Variants in AGAP1 observed in about 807,000 individuals in gnomAD.
The protein encoded by AGAP1 is arf-GAP with GTPase, ANK repeat and PH domain-containing protein 1.
Under a neutral mutation model 105.3 loss-of-function variants are expected in AGAP1, and 29 were observed. The observed-to-expected ratio is 0.28, with a 90% CI of 0.21 to 0.38. The LOEUF (loss-of-function observed/expected upper bound fraction) is 0.38, where lower values mean the gene tolerates loss of function less well. AGAP1 is among the 10% of genes least tolerant of loss of function. AGAP1 has a pLI of 1.00. For synonymous variants in AGAP1, 509 were observed against 485.9 expected (o/e 1.05, Z -0.63); for missense variants, 998 against 1,165.1 (o/e 0.86, Z 2.09).
rs902756452 is a variant in AGAP1, at chr2:235,701,094, C to G, written c.164-8085C>G. On this transcript the variant is annotated intron_variant, in intron 1 of 17. Transcript: ENST00000304032. This position sits in a 1 kb window ranked among gnomAD's most constrained non-coding sequence, Gnocchi z 4.1. ...TATAGTTATATGTATATATTATATACTCTATAATATAGTTATATGTACATA... is the reference window on the plus strand; with the variant it reads ...TATAGTTATATGTATATATTATATAGTCTATAATATAGTTATATGTACATA... Among the ~76,000 whole-genome samples the G allele has an allele frequency of 1.7e-5, 2 of 114,442 alleles. No homozygotes were observed. The highest frequency in any genetic ancestry group is 3.7e-5 in the Non-Finnish European group (2 of 54,278). The allele number at this position is 114,442 out of a possible 152,430, so 75.1% of individuals were successfully genotyped here. A position where few individuals can be genotyped will look rare whatever the true frequency, so the allele number is the denominator to read the frequency against.
rs1049038154 is a variant in AGAP1 at position 235,705,053 on chromosome 2, G to A, written c.164-4126G>A. Among the ~76,000 whole-genome samples the A allele has an allele frequency of 6.2e-5, 8 of 129,890 alleles. No homozygotes were observed. The highest frequency in any genetic ancestry group is 2.3e-4 in the African/African-American group (8 of 34,266). The allele number at this position is 129,890 out of a possible 152,430, so 85.2% of individuals were successfully genotyped here. On this transcript the variant is annotated intron_variant, in intron 1 of 17. Transcript: ENST00000304032. The surrounding 1 kb of genome is among the most constrained non-coding windows in gnomAD (Gnocchi z 4.9). The stretch of plus-strand genomic sequence containing the variant: ...GAGTGCAATGGTGGGATCTCGGCTC[G>A]CTGCAACCTCTACCTCCCGGGTTCA...
intron 12 of AGAP1, among the ~76,000 whole-genome samples, chr2:235,932,534 G>A (rs1033004156): frequency 9.2e-5 from 14 of 152,232 alleles, no homozygotes; most frequent in Admixed American, 2.6e-4. Flanking sequence ...GTTTGAGGGC[G>A]TGGGGAGATG....
At chr2:235,939,105 G>A (rs2053130385) in intron 12 of AGAP1, among the ~76,000 whole-genome samples, 1 of 152,224 alleles carries the variant, frequency 6.6e-6, no homozygotes, top group Admixed American at 6.5e-5. Context: ...GAATTGAACT[G>A]GGAGCAATGG....
intron 13 of AGAP1, among the ~76,000 whole-genome samples, chr2:236,007,007 A>C (rs929003554): frequency 1.3e-5 from 2 of 152,220 alleles, no homozygotes; most frequent in African/African-American, 4.8e-5. Flanking sequence ...CATTGACAGT[A>C]ACCAAAGAGC....
At position 236,101,509 on chromosome 2, in the gene AGAP1, C is replaced by T. The variant is rs973352914; in HGVS notation, c.2115-18683C>T. On this transcript the variant is annotated intron_variant, in intron 16 of 17. Transcript: ENST00000304032. This position sits in a 1 kb window ranked among gnomAD's most constrained non-coding sequence, Gnocchi z 4.9. ...TGAACTGGGCCCTCTGCAGTCACTCCGGCCTGTCCCCGCCTCTTCCGTGTG... is the reference window on the plus strand; with the variant it reads ...TGAACTGGGCCCTCTGCAGTCACTCTGGCCTGTCCCCGCCTCTTCCGTGTG... 5.9e-5 allele frequency among the ~76,000 whole-genome samples: 9 copies of T among 152,314 alleles called. No homozygotes were observed. In the South Asian group the frequency reaches 1.0e-3, roughly 18 times the overall value.
rs2054721937 is a variant in AGAP1 at position 235,973,129 on chromosome 2, T to C, written c.1645+4506T>C. Among the ~76,000 whole-genome samples the C allele has an allele frequency of 6.6e-6, 1 of 152,236 alleles. No homozygotes were observed. The highest frequency in any genetic ancestry group is 2.1e-4 in the South Asian group (1 of 4,832). On this transcript the variant is annotated intron_variant, in intron 13 of 17. Transcript: ENST00000304032. The surrounding 1 kb of genome is among the most constrained non-coding windows in gnomAD (Gnocchi z 4.7). The stretch of plus-strand genomic sequence containing the variant: ...CAGAAACACTGTGTCTACACGGGGC[T>C]GTCAGGGTGACCGATGGAAATTGGG...
At chr2:235,756,223 G>A (rs1458030086) in intron 6 of AGAP1, among the ~76,000 whole-genome samples, 8 of 152,178 alleles carry the variant, frequency 5.3e-5, no homozygotes, top group Non-Finnish European at 1.0e-4. Flanking sequence ...TCTCTGCTGC[G>A]GGTGGCGGTG....
At position 235,740,528 on chromosome 2, in the gene AGAP1, A is replaced by G. The variant is rs1435101548; in HGVS notation, c.311-435A>G. Among the ~76,000 whole-genome samples the G allele has an allele frequency of 1.3e-5, 2 of 152,244 alleles. No homozygotes were observed. The highest frequency in any genetic ancestry group is 2.9e-5 in the Non-Finnish European group (2 of 68,036). On this transcript the variant is annotated intron_variant, in intron 3 of 17. Coordinates refer to ENST00000304032, the MANE Select transcript of AGAP1 (RefSeq NM_001037131.3). This position sits in a 1 kb window ranked among gnomAD's most constrained non-coding sequence, Gnocchi z 5.7. ...AAGAACTGGGTTTCTCTTGAGGAGAATACAGGTTCTCGGCCCTGTAATTTA... is the reference window on the plus strand; with the variant it reads ...AAGAACTGGGTTTCTCTTGAGGAGAGTACAGGTTCTCGGCCCTGTAATTTA...
At chr2:235,669,720 C>T (rs2149353672) in intron 1 of AGAP1, 1 of 148,498 alleles carries the variant, frequency 6.7e-6, no homozygotes, top group African/African-American at 2.4e-5. Flanking sequence ...TGCGGAACCG[C>T]CGAGCTGTGC....
chr2:235,708,584 A>G (rs1255706388), intron 1 of AGAP1, among the ~76,000 whole-genome samples: 1 of 150,014 alleles, frequency 6.7e-6, no homozygotes, highest in African/African-American at 2.5e-5. Context: ...TCAGTGTTTA[A>G]TATCTTTGTG....
chr2:235,820,966 C>A (rs1244277195), intron 9 of AGAP1, among the ~76,000 whole-genome samples: 2 of 152,206 alleles, frequency 1.3e-5, no homozygotes, highest in Non-Finnish European at 2.9e-5. Flanking sequence ...TTGACCCAGT[C>A]TTCTTGAAGG....
rs1349557157 is a variant in AGAP1 at position 235,556,375 on chromosome 2, G to T, written c.163+61526G>T. On this transcript the variant is annotated intron_variant, in intron 1 of 17. Transcript: ENST00000304032. This position sits in a 1 kb window ranked among gnomAD's most constrained non-coding sequence, Gnocchi z 5.3. ...TGCTCCAGTGGCTACAGAAGAGAGA[G>T]GAGGGACACTGACCCCAAGGCCCAG... 6.6e-6 allele frequency among the ~76,000 whole-genome samples: 1 copy of T among 152,372 alleles called. No homozygotes were observed. The highest frequency in any genetic ancestry group is 1.9e-4 in the East Asian group (1 of 5,182).
chr2:235,898,038 G>C (rs1189180544), intron 10 of AGAP1, among the ~76,000 whole-genome samples: 1 of 152,152 alleles, frequency 6.6e-6, no homozygotes, highest in Non-Finnish European at 1.5e-5. Context: ...GGCTGGGAGG[G>C]CCACCTCTGC....
rs575447938 is a variant in AGAP1 at position 235,890,644 on chromosome 2, CAG to C, written c.1155+7198_1155+7199del. 8.4e-4 allele frequency among the ~76,000 whole-genome samples: 128 copies of C among 152,342 alleles called. 1 individual carries two copies. The highest frequency in any genetic ancestry group is 2.7e-3 in the African/African-American group (114 of 41,574). On this transcript the variant is annotated intron_variant, in intron 10 of 17. Transcript: ENST00000304032. ...ACACCTGCATAGCTTTCAGATCACACAGAGGTGCCCTGCTGCAGACGCTCAGG... is the reference window on the plus strand; with the variant it reads ...ACACCTGCATAGCTTTCAGATCACACAGGTGCCCTGCTGCAGACGCTCAGG...
At position 235,662,800 on chromosome 2, in the gene AGAP1, T is replaced by G. The variant is rs1245838783; in HGVS notation, c.164-46379T>G. Among the ~76,000 whole-genome samples, 2 of 152,234 alleles carry G rather than the reference T, an allele frequency of 1.3e-5. No homozygotes were observed. The highest frequency in any genetic ancestry group is 6.5e-5 in the Admixed American group (1 of 15,282). ...TGTGTCCCTCATCCCCTTGCTCCGC[T>G]GCAAGAACCCCTCACCCTGCTCAGT... On this transcript the variant is annotated intron_variant, in intron 1 of 17. Coordinates refer to ENST00000304032, the MANE Select transcript of AGAP1 (RefSeq NM_001037131.3). The surrounding 1 kb of genome is among the most constrained non-coding windows in gnomAD (Gnocchi z 4.2).
Position 235,905,969 on chromosome 2 carries a change from G to C in AGAP1, c.1156-2769G>C, listed in dbSNP as rs909988679. ...AGTTGATTATGTTTTGTGGAGTCCA[G>C]CATCTCAACTTCCAAGTGGAATCCC... On this transcript the variant is annotated intron_variant, in intron 10 of 17. Transcript: ENST00000304032. The surrounding 1 kb of genome is among the most constrained non-coding windows in gnomAD (Gnocchi z 4.2). Among the ~76,000 whole-genome samples the C allele has an allele frequency of 2.0e-5, 3 of 152,312 alleles. No homozygotes were observed. Among genetic ancestry groups the C allele is most frequent in the Admixed American group, 2.0e-4 (3 of 15,300 alleles).
chr2:235,731,785 A>T (rs556075583), intron 3 of AGAP1, among the ~76,000 whole-genome samples: 1 of 152,184 alleles, frequency 6.6e-6, no homozygotes, highest in Admixed American at 6.5e-5. Flanking sequence ...CACAAAAGCT[A>T]TTCAGGGTCA....
intron 11 of AGAP1, among the ~76,000 whole-genome samples, chr2:235,912,625 CTTA>C (rs2051672875): frequency 6.6e-6 from 1 of 152,202 alleles, no homozygotes; most frequent in Non-Finnish European, 1.5e-5. Flanking sequence ...GTGGTTAACA[CTTA>C]TTATTGCTTT....
rs528564470 is a variant in AGAP1, at chr2:235,865,358, C to T, written c.1051-17987C>T. On this transcript the variant is annotated intron_variant, in intron 9 of 17. Transcript: ENST00000304032. The surrounding 1 kb of genome is among the most constrained non-coding windows in gnomAD (Gnocchi z 6.2). Reference sequence around the variant, plus strand: ...CGCGGGTGAGCTGACCTGTGTGTGGCGCAGCCTTGGGTTCCGCAAATAGGG... The same window carrying T: ...CGCGGGTGAGCTGACCTGTGTGTGGTGCAGCCTTGGGTTCCGCAAATAGGG... 3.9e-5 allele frequency among the ~76,000 whole-genome samples: 6 copies of T among 152,272 alleles called. No individual in the cohort carries two copies. Among genetic ancestry groups the T allele is most frequent in the Middle Eastern group, 3.4e-3 (1 of 294 alleles).
Sources: gnomAD v4.1 joint callset for allele counts (sites outside exome capture counted in the v4.1 genomes callset) on GRCh38, gnomAD v4.1.1 for gene constraint, Gnocchi (gnomAD v3.1) non-coding constraint, MANE v1.5 for transcripts, NCBI Gene and HGNC (gene_info 2026-07-23, HGNC 2026-07-21) for gene names.